The following TAFA2 variants were observed in gnomAD, a reference collection of about 807,000 sequenced individuals.
The protein encoded by TAFA2 is chemokine-like protein TAFA-2.
TAFA2 carries 7 observed loss-of-function variants against 18.8 expected under a neutral mutation model. The observed-to-expected ratio is 0.37, with a 90% CI of 0.21 to 0.70. The LOEUF (loss-of-function observed/expected upper bound fraction) is 0.70. Among genes scored for constraint, TAFA2 ranks in the 30% least tolerant of loss-of-function variants. The pLI is 0.53. For synonymous variants in TAFA2, 60 were observed against 54.2 expected (o/e 1.11, Z -0.47); for missense variants, 122 against 158.1 (o/e 0.77, Z 1.23).
chr12:62,097,465 C>T (rs962926139), intron 1 of TAFA2, among the ~76,000 whole-genome samples: 24 of 152,158 alleles, frequency 1.6e-4, no homozygotes, highest in South Asian at 4.1e-4. Flanking sequence ...GGTTGGTAAA[C>T]GGGAAGAGTG....
At chr12:62,032,947 T>C (rs1881499310) in intron 1 of TAFA2, among the ~76,000 whole-genome samples, 1 of 152,204 alleles carries the variant, frequency 6.6e-6, no homozygotes, top group African/African-American at 2.4e-5. Flanking sequence ...ATTATTATTC[T>C]ACCCTCAGGG....
At chr12:61,904,490 G>C (rs1416793453) in intron 1 of TAFA2, among the ~76,000 whole-genome samples, 2 of 152,102 alleles carry the variant, frequency 1.3e-5, no homozygotes, top group Admixed American at 6.6e-5. Context: ...GCTGTGGTAG[G>C]TGCTAGGGCT....
intron 1 of TAFA2, among the ~76,000 whole-genome samples, chr12:61,911,294 A>G (rs1310028413): frequency 6.6e-6 from 1 of 152,116 alleles, no homozygotes; most frequent in African/African-American, 2.4e-5. Flanking sequence ...CTCTAGTTTC[A>G]GAATCTGGGC....
intron 1 of TAFA2, among the ~76,000 whole-genome samples, chr12:62,114,416 A>G (rs1975494): frequency 0.22 from 34,177 of 152,166 alleles, 4,216 homozygotes; most frequent in East Asian, 0.37. Flanking sequence ...GGGAGCTGCA[A>G]ATAGGAGCTG....
intron 1 of TAFA2, among the ~76,000 whole-genome samples, chr12:61,987,033 T>C (rs1879843568): frequency 6.6e-6 from 1 of 152,204 alleles, no homozygotes. Flanking sequence ...TTATTTCTTT[T>C]CATCTTATGT....
chr12:62,121,384 A>T (rs1033098245), intron 1 of TAFA2, among the ~76,000 whole-genome samples: 8 of 152,208 alleles, frequency 5.3e-5, no homozygotes, highest in Admixed American at 2.0e-4. Flanking sequence ...CAAAGTCCAC[A>T]ATGATTTGTG....
intron 1 of TAFA2, among the ~76,000 whole-genome samples, chr12:62,187,458 A>ATAC (rs2062594049): frequency 6.6e-6 from 1 of 152,070 alleles, no homozygotes; most frequent in South Asian, 2.1e-4. Context: ...GTTACGTAAA[A>ATAC]CCAGTATTTT....
chr12:61,999,544 G>A (rs1298420577), intron 1 of TAFA2, among the ~76,000 whole-genome samples: 1 of 152,168 alleles, frequency 6.6e-6, no homozygotes, highest in Non-Finnish European at 1.5e-5. Context: ...ATCAACTGGT[G>A]ACTGAAATCC....
chr12:61,878,141 C>G (rs1345022275), intron 1 of TAFA2: 3 of 451,532 alleles, frequency 6.6e-6, no homozygotes, highest in African/African-American at 4.0e-5. Flanking sequence ...TTACCAGGAG[C>G]TGAAGGGAGG....
intron 1 of TAFA2, among the ~76,000 whole-genome samples, chr12:62,003,095 C>T (rs1011824801): frequency 6.6e-6 from 1 of 152,164 alleles, no homozygotes; most frequent in Non-Finnish European, 1.5e-5. Context: ...CATCATCTCT[C>T]ACCTGGATTA....
chr12:62,144,439 G>T (rs757989772), intron 1 of TAFA2, among the ~76,000 whole-genome samples: 3 of 151,258 alleles, frequency 2.0e-5, no homozygotes, highest in Non-Finnish European at 2.9e-5. Context: ...ATGAAGGAAT[G>T]ATTCTATCCC....
intron 1 of TAFA2, among the ~76,000 whole-genome samples, chr12:62,002,464 T>C (rs1880410928): frequency 6.6e-6 from 1 of 152,170 alleles, no homozygotes; most frequent in Non-Finnish European, 1.5e-5. Context: ...CACTCTTTGC[T>C]TCTCAAGATA....
At chr12:62,189,106 A>G (rs1424991785) in intron 1 of TAFA2, among the ~76,000 whole-genome samples, 1 of 152,156 alleles carries the variant, frequency 6.6e-6, no homozygotes, top group East Asian at 1.9e-4. Flanking sequence ...AGAGACACAT[A>G]TCGTAGCACT....
At position 61,917,560 on chromosome 12, in the gene TAFA2, A is replaced by G. The variant is rs56184475; in HGVS notation, c.-1-50134T>C. Among the ~76,000 whole-genome samples the G allele has an allele frequency of 7.8e-3, 1,181 of 152,230 alleles. 12 individuals carry two copies. The highest frequency in any genetic ancestry group is 0.027 in the African/African-American group (1,139 of 41,556). On this transcript the variant is annotated intron_variant, in intron 1 of 4. Transcript: ENST00000416284. The stretch of plus-strand genomic sequence containing the variant: ...TAACTTCCCCTCCCGTGCCCACCCA[A>G]TAATTAGCCTGTGCTCTCTCAACTG...
At chr12:61,741,285 A>AGTGTGTGT (rs148540119) in intron 4 of TAFA2, among the ~76,000 whole-genome samples, 13 of 145,420 alleles carry the variant, frequency 8.9e-5, no homozygotes, top group Non-Finnish European at 1.5e-4. Flanking sequence ...TGTGTGTGTG[A>AGTGTGTGT]GTGTGTGTGT....
chr12:61,819,068 T>C (rs879219705), intron 2 of TAFA2, among the ~76,000 whole-genome samples: 1 of 152,194 alleles, frequency 6.6e-6, no homozygotes, highest in Admixed American at 6.6e-5. Context: ...CCCTTCCATA[T>C]TTTATTGTGA....
intron 1 of TAFA2, among the ~76,000 whole-genome samples, chr12:62,031,228 T>A (rs981517539): frequency 3.9e-5 from 6 of 152,036 alleles, no homozygotes; most frequent in African/African-American, 1.4e-4. Flanking sequence ...AGACCCATCC[T>A]TAATCTGGGT....
intron 1 of TAFA2, among the ~76,000 whole-genome samples, chr12:62,134,688 T>G (rs1282787784): frequency 6.6e-6 from 1 of 152,100 alleles, no homozygotes; most frequent in Non-Finnish European, 1.5e-5. Context: ...GGAAAATCCA[T>G]GAAGGCAGGG....
chr12:61,919,519 C>T (rs1876963628), intron 1 of TAFA2, among the ~76,000 whole-genome samples: 1 of 152,148 alleles, frequency 6.6e-6, no homozygotes, highest in Non-Finnish European at 1.5e-5. Context: ...GTTCATGGCT[C>T]CTAAGTTCCA....
Sources: allele counts gnomAD v4.1 joint callset (sites outside exome capture counted in the v4.1 genomes callset), GRCh38; gene constraint gnomAD v4.1.1; transcripts MANE v1.5; gene names NCBI Gene and HGNC (gene_info 2026-07-23, HGNC 2026-07-21).